The following LRMDA variants were observed in gnomAD, a reference collection of about 807,000 sequenced individuals.
LRMDA encodes leucine rich melanocyte differentiation associated.
A neutral mutation model predicts 29.8 loss-of-function variants in LRMDA; 18 were observed. That is an observed-to-expected ratio of 0.60 (90% CI 0.42 to 0.90). The LOEUF is 0.90. LRMDA is among the 40% of genes least tolerant of loss of function. The pLI, the probability that LRMDA is intolerant of heterozygous loss-of-function variation, is 0.00. For synonymous variants in LRMDA, 125 were observed against 109.4 expected, an observed-to-expected ratio of 1.14 and a Z score of -0.89; for missense variants, 273 against 273.9, an observed-to-expected ratio of 1.00 and a Z score of 0.02.
intron 2 of LRMDA, among the ~76,000 whole-genome samples, chr10:75,548,162 C>A (rs1270285703): frequency 6.6e-6 from 1 of 151,036 alleles, no homozygotes; most frequent in Non-Finnish European, 1.5e-5. Flanking sequence ...CTATTGGGAG[C>A]CCTTAACGGA....
At chr10:76,520,837 A>G (rs2132361094) in intron 6 of LRMDA, among the ~76,000 whole-genome samples, 2 of 152,208 alleles carry the variant, frequency 1.3e-5, no homozygotes, top group South Asian at 4.1e-4. Flanking sequence ...TTGTTTCTTT[A>G]AGGCCAAACT....
chr10:75,725,266 C>A (rs918983271), intron 2 of LRMDA, among the ~76,000 whole-genome samples: 2 of 152,150 alleles, frequency 1.3e-5, no homozygotes, highest in Non-Finnish European at 2.9e-5. Context: ...TTCCTGTAAT[C>A]CACCGGTTAT....
At chr10:75,578,569 T>C (rs1356129203) in intron 2 of LRMDA, among the ~76,000 whole-genome samples, 1 of 152,030 alleles carries the variant, frequency 6.6e-6, no homozygotes, top group Non-Finnish European at 1.5e-5. Context: ...TCTGCAGAAC[T>C]CTCCACCCCA....
intron 6 of LRMDA, among the ~76,000 whole-genome samples, chr10:76,541,557 A>G (rs1014580424): frequency 6.6e-6 from 1 of 150,678 alleles, no homozygotes; most frequent in East Asian, 2.0e-4. Flanking sequence ...GTGAGTTCAT[A>G]TTTATTCTTT....
chr10:75,725,369 C>T (rs75445159), intron 2 of LRMDA, among the ~76,000 whole-genome samples: 3,287 of 152,258 alleles, frequency 0.022, 111 homozygotes, highest in African/African-American at 0.075. Flanking sequence ...CCTGAGGGGC[C>T]GAGCCCCGCT....
chr10:76,427,525 GA>G (rs1488324251), intron 6 of LRMDA, among the ~76,000 whole-genome samples: 1 of 152,160 alleles, frequency 6.6e-6, no homozygotes, highest in Non-Finnish European at 1.5e-5. Context: ...GGGTTTTCTA[GA>G]TATACAATGA....
chr10:76,229,120 G>A (rs1852012913), intron 5 of LRMDA, among the ~76,000 whole-genome samples: 3 of 152,230 alleles, frequency 2.0e-5, no homozygotes, highest in African/African-American at 7.2e-5. Context: ...ACAATGGAAT[G>A]CGAAGGTTTG....
chr10:75,981,734 C>T (rs1014561665), intron 2 of LRMDA, among the ~76,000 whole-genome samples: 1 of 151,810 alleles, frequency 6.6e-6, no homozygotes, highest in African/African-American at 2.4e-5. Flanking sequence ...CATCTGTAAT[C>T]CCAGGTACTG....
intron 5 of LRMDA, among the ~76,000 whole-genome samples, chr10:76,143,017 G>C (rs1396686500): frequency 1.3e-5 from 2 of 152,122 alleles, no homozygotes; most frequent in African/African-American, 4.8e-5. Context: ...CAAAGGACAT[G>C]AACGCATCAT....
chr10:76,272,205 G>T (rs768187704), intron 5 of LRMDA, among the ~76,000 whole-genome samples: 13 of 152,120 alleles, frequency 8.5e-5, no homozygotes, highest in Non-Finnish European at 1.9e-4. Flanking sequence ...TTGGATTTTT[G>T]GCCAGGTTGG....
chr10:75,714,924 AAG>A (rs1842482117), intron 2 of LRMDA, among the ~76,000 whole-genome samples: 1 of 145,190 alleles, frequency 6.9e-6, no homozygotes, highest in Non-Finnish European at 1.5e-5. Flanking sequence ...TCTTTGAAGA[AAG>A]AGTGATAACT....
chr10:75,657,767 G>C (rs1478873089), intron 2 of LRMDA, among the ~76,000 whole-genome samples: 1 of 152,172 alleles, frequency 6.6e-6, no homozygotes, highest in East Asian at 1.9e-4. Flanking sequence ...GCAAATTGGG[G>C]AGGCTGTTTA....
intron 2 of LRMDA, among the ~76,000 whole-genome samples, chr10:75,519,528 G>A (rs1274487063): frequency 6.6e-6 from 1 of 151,988 alleles, no homozygotes; most frequent in African/African-American, 2.4e-5. Context: ...TTTTCCATTT[G>A]CTTGGTAGAT....
chr10:75,541,033 A>G (rs991984015), intron 2 of LRMDA, among the ~76,000 whole-genome samples: 3 of 152,152 alleles, frequency 2.0e-5, no homozygotes, highest in Non-Finnish European at 4.4e-5. Context: ...ACTTATAAGA[A>G]GAGTTTTAAC....
At chr10:75,831,180 G>A (rs1056975101) in intron 2 of LRMDA, among the ~76,000 whole-genome samples, 6 of 152,040 alleles carry the variant, frequency 3.9e-5, no homozygotes, top group Non-Finnish European at 8.8e-5. Flanking sequence ...TGAGTAACTA[G>A]GACTACAGGC....
intron 2 of LRMDA, among the ~76,000 whole-genome samples, chr10:75,723,547 G>A (rs1842595148): frequency 1.3e-5 from 2 of 152,326 alleles, no homozygotes; most frequent in African/African-American, 4.8e-5. Context: ...CCACTGTCTT[G>A]CAGTTGTGTG....
chr10:76,337,576 T>C (rs1840984791), intron 6 of LRMDA, among the ~76,000 whole-genome samples: 1 of 152,072 alleles, frequency 6.6e-6, no homozygotes, highest in African/African-American at 2.4e-5. Flanking sequence ...AAGAGGTCAG[T>C]GTGGCTGGAG....
chr10:75,813,945 C>T (rs1844010602), intron 2 of LRMDA, among the ~76,000 whole-genome samples: 1 of 152,184 alleles, frequency 6.6e-6, no homozygotes, highest in Non-Finnish European at 1.5e-5. Context: ...TGATGAAAAT[C>T]GAAGCATGTG....
At chr10:75,527,724 AT>A (rs1187794651) in intron 2 of LRMDA, among the ~76,000 whole-genome samples, 2 of 147,412 alleles carry the variant, frequency 1.4e-5, no homozygotes, top group Non-Finnish European at 1.5e-5. Flanking sequence ...TATTAATATA[AT>A]TATATAATAA....
Sources: gnomAD v4.1 joint callset for allele counts (sites outside exome capture counted in the v4.1 genomes callset) on GRCh38, gnomAD v4.1.1 for gene constraint, MANE v1.5 for transcripts, NCBI Gene and HGNC (gene_info 2026-07-23, HGNC 2026-07-21) for gene names.